The following SUPT3H variants were observed in gnomAD, a reference collection of about 807,000 sequenced individuals.
The protein encoded by SUPT3H is transcription initiation protein SPT3 homolog.
In SUPT3H, 44 loss-of-function variants were observed where a neutral mutation model predicts 44.3. That is an observed-to-expected ratio of 0.99 (90% confidence interval 0.78 to 1.28). SUPT3H has a LOEUF of 1.28. Among genes scored for constraint, SUPT3H ranks in the 50% most tolerant of loss-of-function variants. SUPT3H has a pLI of 0.00. For missense variants in SUPT3H, 380 were observed against 387.1 expected, an observed-to-expected ratio of 0.98 and a Z score of 0.15; for synonymous variants, 124 against 125.6, an observed-to-expected ratio of 0.99 and a Z score of 0.09.
chr6:44,985,693 C>A (rs1420338698), intron 6 of SUPT3H, among the ~76,000 whole-genome samples: 1 of 152,160 alleles, frequency 6.6e-6, no homozygotes, highest in Admixed American at 6.6e-5. Flanking sequence ...GACATATTTT[C>A]ACTTTATTTC....
chr6:45,291,731 C>T (rs1780341017), intron 2 of SUPT3H, among the ~76,000 whole-genome samples: 2 of 152,056 alleles, frequency 1.3e-5, no homozygotes, highest in African/African-American at 2.4e-5. Flanking sequence ...TTCACAAACT[C>T]CAACAAAGAC....
At chr6:44,826,362 T>TAAAA (rs995224147), downstream of SUPT3H, among the ~76,000 whole-genome samples, 25 of 152,178 alleles carry the variant, frequency 1.6e-4, no homozygotes, top group African/African-American at 6.0e-4. Context: ...AATAAGAAGG[T>TAAAA]AAAAATAAGA....
chr6:45,232,984 A>G (rs1269982926), intron 2 of SUPT3H, among the ~76,000 whole-genome samples: 1 of 152,190 alleles, frequency 6.6e-6, no homozygotes, highest in Non-Finnish European at 1.5e-5. Flanking sequence ...GAACACAGTG[A>G]TAACTCTTAC....
At chr6:45,296,998 A>C (rs1163280939) in intron 2 of SUPT3H, among the ~76,000 whole-genome samples, 3 of 151,522 alleles carry the variant, frequency 2.0e-5, no homozygotes, top group Non-Finnish European at 2.9e-5. Context: ...AGTACACCAA[A>C]ATCTCACAAA....
intron 2 of SUPT3H, among the ~76,000 whole-genome samples, chr6:45,260,477 A>AATAAC (rs1240205582): frequency 1.3e-5 from 2 of 152,168 alleles, no homozygotes; most frequent in East Asian, 1.9e-4. Context: ...ATTCAGGCTA[A>AATAAC]ATAACAGCTT....
chr6:45,289,819 C>G (rs113717894), intron 2 of SUPT3H, among the ~76,000 whole-genome samples: 2 of 152,082 alleles, frequency 1.3e-5, no homozygotes, highest in Admixed American at 1.3e-4. Flanking sequence ...AAAAATGGTA[C>G]GTCAGCTGGT....
rs115822425 is a variant in SUPT3H, at chr6:45,359,730, G to A, written c.101+5471C>T. Among the ~76,000 whole-genome samples the A allele has an allele frequency of 7.5e-3, 1,142 of 152,236 alleles. 21 individuals are homozygous for A. The highest frequency in any genetic ancestry group is 0.026 in the African/African-American group (1,084 of 41,524). ...GATCTGTTGTTAGATATAGGAAACT[G>A]CAACAAATGCTATGATAATATAAAA... On this transcript the variant is annotated intron_variant, in intron 2 of 10. Transcript: ENST00000371459.
At chr6:44,963,917 G>C (rs1330691961) in intron 6 of SUPT3H, among the ~76,000 whole-genome samples, 2 of 151,318 alleles carry the variant, frequency 1.3e-5, no homozygotes, top group Non-Finnish European at 2.9e-5. Flanking sequence ...AGAATCGCTT[G>C]AACTCGGGAG....
At chr6:44,995,329 T>C (rs535275634) in intron 6 of SUPT3H, among the ~76,000 whole-genome samples, 4 of 152,182 alleles carry the variant, frequency 2.6e-5, no homozygotes, top group Admixed American at 6.6e-5. Flanking sequence ...ACTTTCAGTA[T>C]GACAATTCAC....
intron 9 of SUPT3H, among the ~76,000 whole-genome samples, chr6:44,939,675 T>C (rs1219801874): frequency 6.6e-6 from 1 of 152,108 alleles, no homozygotes; most frequent in African/African-American, 2.4e-5. Context: ...TGTGAATCCA[T>C]CTGGTCCTGA....
At chr6:45,178,550 C>G (rs1289455030) in intron 2 of SUPT3H, among the ~76,000 whole-genome samples, 1 of 151,988 alleles carries the variant, frequency 6.6e-6, no homozygotes, top group East Asian at 1.9e-4. Context: ...GAACTCAGCT[C>G]TGCACCAAGC....
intron 2 of SUPT3H, among the ~76,000 whole-genome samples, chr6:45,288,829 AAGAG>A (rs1779830072): frequency 6.6e-6 from 1 of 151,894 alleles, no homozygotes; most frequent in South Asian, 2.1e-4. Flanking sequence ...AAGAAAGAAA[AAGAG>A]AGAACTTTTT....
chr6:45,182,913 G>A (rs1813539482), intron 2 of SUPT3H, among the ~76,000 whole-genome samples: 1 of 152,194 alleles, frequency 6.6e-6, no homozygotes, highest in South Asian at 2.1e-4. Flanking sequence ...TGTCAAAACA[G>A]CTGGGTGGAT....
chr6:45,074,785 T>C (rs1794800675), intron 3 of SUPT3H, among the ~76,000 whole-genome samples: 1 of 152,066 alleles, frequency 6.6e-6, no homozygotes, highest in Admixed American at 6.6e-5. Context: ...GTTAAGCACT[T>C]ACAATCTGCA....
chr6:45,187,488 G>GCCATGTAAAA (rs1270702136), intron 2 of SUPT3H, among the ~76,000 whole-genome samples: 2 of 151,296 alleles, frequency 1.3e-5, no homozygotes, highest in African/African-American at 4.9e-5. Flanking sequence ...AGGGCTGTGT[G>GCCATGTAAAA]CCATGTAAAA....
At chr6:45,303,839 A>C (rs1484058472) in intron 2 of SUPT3H, among the ~76,000 whole-genome samples, 2 of 151,994 alleles carry the variant, frequency 1.3e-5, no homozygotes, top group South Asian at 2.1e-4. Flanking sequence ...ATAAAAATAC[A>C]AAAATTAGCT....
In SUPT3H at chr6:45,360,199, T is replaced by C. The variant is rs371398682; in HGVS notation, c.101+5002A>G. On this transcript the variant is annotated intron_variant, in intron 2 of 10. Coordinates refer to ENST00000371459, the MANE Select transcript of SUPT3H (RefSeq NM_003599.4). ...TTGCCACTGACTATAGGATAATATT[T>C]GGTGAGTTACTCAACCTTTGTGGCT... Among the ~76,000 whole-genome samples the C allele has an allele frequency of 4.6e-5, 7 of 152,320 alleles. No individual in the cohort carries two copies. The East Asian group carries it at 1.2e-3, about 25-fold the overall frequency.
chr6:45,054,650 G>A (rs2153538274), intron 3 of SUPT3H, among the ~76,000 whole-genome samples: 1 of 152,142 alleles, frequency 6.6e-6, no homozygotes, highest in East Asian at 1.9e-4. Flanking sequence ...GTAGCCATTG[G>A]GGGCTTTGAA....
At chr6:44,834,899 C>A (rs1358997600) in intron 10 of SUPT3H, among the ~76,000 whole-genome samples, 1 of 152,066 alleles carries the variant, frequency 6.6e-6, no homozygotes, top group African/African-American at 2.4e-5. Flanking sequence ...AAGGAAGGAA[C>A]ACAACTTAAT....
Sources: gnomAD v4.1 joint callset for allele counts (sites outside exome capture counted in the v4.1 genomes callset) on GRCh38, gnomAD v4.1.1 for gene constraint, MANE v1.5 for transcripts, NCBI Gene and HGNC (gene_info 2026-07-23, HGNC 2026-07-21) for gene names.